The following CDH20 variants were observed in gnomAD, a reference collection of about 807,000 sequenced individuals.
CDH20 encodes cadherin-20.
A neutral mutation model predicts 74.2 loss-of-function variants in CDH20; 29 were observed. That is an observed-to-expected ratio of 0.39 (90% CI 0.29 to 0.53). The LOEUF (loss-of-function observed/expected upper bound fraction) is 0.53. Ranked by LOEUF, CDH20 falls within the 20% of genes least tolerant of loss-of-function variation. CDH20 has a pLI of 0.69. For synonymous variants in CDH20, 469 were observed against 405.4 expected, an observed-to-expected ratio of 1.16 and a Z score of -1.88; for missense variants, 988 against 1,048.3, an observed-to-expected ratio of 0.94 and a Z score of 0.79.
rs369023548 is a variant in CDH20 at position 61,466,252 on chromosome 18, C to T, written c.-152-24150C>T. Among the ~76,000 whole-genome samples, 55 of 151,906 alleles carry T rather than the reference C, an allele frequency of 3.6e-4. No individual in the cohort carries two copies. In the East Asian group the frequency reaches 9.5e-3, roughly 26 times the overall value. On this transcript the variant is annotated intron_variant, in intron 1 of 11. Transcript: ENST00000262717. ...ATTCCAATAGTGATTCTCTATTCAC[C>T]GTTTTACAAACAATTCCTGTTAGTA...
chr18:61,354,745 T>C (rs926166920), intron 1 of CDH20, among the ~76,000 whole-genome samples: 6 of 152,186 alleles, frequency 3.9e-5, no homozygotes, highest in African/African-American at 1.4e-4. Context: ...TATATTGATA[T>C]TATTTTTTCT....
chr18:61,437,547 G>A (rs912394265), intron 1 of CDH20, among the ~76,000 whole-genome samples: 2 of 152,148 alleles, frequency 1.3e-5, no homozygotes, highest in Non-Finnish European at 2.9e-5. Context: ...GGTGCCATAA[G>A]AAATAACTTC....
chr18:61,355,249 C>T (rs900803172), intron 1 of CDH20, among the ~76,000 whole-genome samples: 18 of 152,036 alleles, frequency 1.2e-4, no homozygotes, highest in African/African-American at 4.1e-4. Flanking sequence ...AATAGAAGAA[C>T]CAATGTAGCT....
chr18:61,538,611 TTTG>T lies in CDH20; in HGVS notation c.1409-410_1409-408del, dbSNP rs1227356810. On this transcript the variant is annotated intron_variant, in intron 8 of 11. Transcript: ENST00000262717. ...TTGTTTGTTTGTTTTTGTTTTTGTTTTTGTTTTTGTTTTGTTTTTTTTTTTGAG... is the reference window on the plus strand; with the variant it reads ...TTGTTTGTTTGTTTTTGTTTTTGTTTTTTTTGTTTTGTTTTTTTTTTTGAG... 8.3e-4 allele frequency among the ~76,000 whole-genome samples: 33 copies of T among 39,676 alleles called. 3 individuals carry two copies. The highest frequency in any genetic ancestry group is 2.8e-3 in the African/African-American group (29 of 10,492). The allele number at this position is 39,676 out of a possible 152,430, so 26.0% of individuals were successfully genotyped here.
chr18:61,543,510 T>C (rs905915450), intron 9 of CDH20, among the ~76,000 whole-genome samples: 45 of 53,252 alleles, frequency 8.5e-4, no homozygotes, highest in African/African-American at 2.1e-3. Flanking sequence ...CTTTAATAGC[T>C]TTTACATCAT....
intron 1 of CDH20, among the ~76,000 whole-genome samples, chr18:61,482,649 CT>C (rs10718967): frequency 0.98 from 149,391 of 151,756 alleles, 73,535 homozygotes; most frequent in Middle Eastern, 1. Context: ...ATTAACTTTA[CT>C]TTTTTTTTAC....
At chr18:61,515,877 A>G (rs1002470262) in intron 6 of CDH20, among the ~76,000 whole-genome samples, 1 of 151,658 alleles carries the variant, frequency 6.6e-6, no homozygotes, top group Non-Finnish European at 1.5e-5. Flanking sequence ...ATGTATACAT[A>G]TGTAACTAAC....
intron 1 of CDH20, among the ~76,000 whole-genome samples, chr18:61,460,784 G>A (rs181081042): frequency 6.6e-6 from 1 of 152,192 alleles, no homozygotes; most frequent in Admixed American, 6.5e-5. Context: ...AGCCATTTGT[G>A]ATTTTCTCTT....
chr18:61,496,951 T>A lies in CDH20; in HGVS notation c.247-2235T>A, dbSNP rs548489632. ...CTTGTTCTCCCCACACTTCTGTTCC[T>A]CTGCCTGAGAACACAGGTCCAAATG... On this transcript the variant is annotated intron_variant, in intron 2 of 11. Coordinates refer to ENST00000262717, the MANE Select transcript of CDH20 (RefSeq NM_031891.4). Among the ~76,000 whole-genome samples the A allele has an allele frequency of 4.4e-4, 67 of 152,228 alleles. 1 individual carries two copies. Among genetic ancestry groups the A allele is most frequent in the African/African-American group, 1.6e-3 (67 of 41,564 alleles).
intron 1 of CDH20, among the ~76,000 whole-genome samples, chr18:61,451,131 T>G (rs1353853683): frequency 6.7e-6 from 1 of 149,170 alleles, no homozygotes; most frequent in Non-Finnish European, 1.5e-5. Context: ...ATTTATAACT[T>G]TTTTTTTTTA....
Position 61,555,553 on chromosome 18 carries a change from A to C in CDH20, c.*858A>C. 2.0e-6 allele frequency: 2 copies of C among 985,454 alleles called. No individual in the cohort carries two copies. Among genetic ancestry groups the C allele is most frequent in the Non-Finnish European group, 2.4e-6 (2 of 829,924 alleles). The allele number at this position is 985,454 out of a possible 1,614,324, so 61.0% of individuals were successfully genotyped here. On this transcript the variant is annotated 3_prime_UTR_variant, in exon 12 of 12. Transcript: ENST00000262717. ...AAATAAAAAAGAAGTATCTGACAAA[A>C]GCATGGGTTAGAGGGCTTTCCTAAT...
intron 5 of CDH20, among the ~76,000 whole-genome samples, chr18:61,506,633 T>A (rs1599133275): frequency 6.6e-6 from 1 of 152,304 alleles, no homozygotes; most frequent in South Asian, 2.1e-4. Context: ...TTCATGGAGA[T>A]GAAAGTGAAC....
At chr18:61,343,963 G>A (rs1487116024) in intron 1 of CDH20, among the ~76,000 whole-genome samples, 2 of 152,142 alleles carry the variant, frequency 1.3e-5, no homozygotes, top group Non-Finnish European at 2.9e-5. Context: ...GGAACGTGCA[G>A]ATGACTGGCC....
intron 6 of CDH20, among the ~76,000 whole-genome samples, chr18:61,516,241 C>T (rs1911999007): frequency 6.6e-6 from 1 of 152,192 alleles, no homozygotes; most frequent in Non-Finnish European, 1.5e-5. Flanking sequence ...TGTTAATACT[C>T]ACATTGGGAA....
intron 1 of CDH20, among the ~76,000 whole-genome samples, chr18:61,347,313 TATATATACACAC>T (rs1445977159): frequency 1.9e-4 from 14 of 75,452 alleles, no homozygotes; most frequent in South Asian, 3.8e-4. Flanking sequence ...TATATATATA[TATATATACACAC>T]ACACACACAC....
chr18:61,476,344 C>A (rs775616854), intron 1 of CDH20, among the ~76,000 whole-genome samples: 35 of 152,000 alleles, frequency 2.3e-4, no homozygotes, highest in Non-Finnish European at 2.5e-4. Context: ...GCCCGGCAGC[C>A]CCCAGTGGCA....
At chr18:61,385,359 A>C (rs566962909) in intron 1 of CDH20, among the ~76,000 whole-genome samples, 4 of 152,252 alleles carry the variant, frequency 2.6e-5, no homozygotes, top group Admixed American at 2.0e-4. Flanking sequence ...ATTAAAATAC[A>C]AATAAATATC....
chr18:61,509,757 G>A (rs1224628605), intron 6 of CDH20, among the ~76,000 whole-genome samples: 3 of 152,180 alleles, frequency 2.0e-5, no homozygotes, highest in East Asian at 3.9e-4. Flanking sequence ...GAGACCAGCT[G>A]AGAAGCTATT....
At chr18:61,368,065 G>A (rs1326187060) in intron 1 of CDH20, among the ~76,000 whole-genome samples, 1 of 152,094 alleles carries the variant, frequency 6.6e-6, no homozygotes, top group African/African-American at 2.4e-5. Flanking sequence ...AGTACTGGGG[G>A]TTGGGACTTC....
Sources: allele counts gnomAD v4.1 joint callset (sites outside exome capture counted in the v4.1 genomes callset), GRCh38; gene constraint gnomAD v4.1.1; transcripts MANE v1.5; gene names NCBI Gene and HGNC (gene_info 2026-07-23, HGNC 2026-07-21).